MPRIP: variants seen among roughly 807,000 people sequenced by gnomAD.
The protein encoded by MPRIP is myosin phosphatase Rho-interacting protein.
A neutral mutation model predicts 234.9 loss-of-function variants in MPRIP; 59 were observed. That is an observed-to-expected ratio of 0.25 (90% CI 0.20 to 0.31). The LOEUF (loss-of-function observed/expected upper bound fraction) is 0.31, where lower values mean the gene tolerates loss of function less well. MPRIP is among the 10% of genes least tolerant of loss of function. The probability of loss-of-function intolerance (pLI) is 1.00; values close to 1 mark genes in which losing one functional copy is unlikely to be tolerated. For missense variants in MPRIP, 2,436 were observed against 3,071.0 expected (o/e 0.79, Z 4.89); for synonymous variants, 1,144 against 1,263.9 (o/e 0.91, Z 2.01).
intron 19 of MPRIP, among the ~76,000 whole-genome samples, chr17:17,174,797 T>TAAA (rs529734070): frequency 1.5e-5 from 2 of 132,154 alleles, no homozygotes; most frequent in African/African-American, 2.7e-5. Flanking sequence ...AGACTCCGTC[T>TAAA]AAAAAAAAAA....
chr17:17,149,147 G>A (rs2045541364), intron 11 of MPRIP, among the ~76,000 whole-genome samples: 1 of 152,134 alleles, frequency 6.6e-6, no homozygotes, highest in African/African-American at 2.4e-5. Context: ...ACCTTTAAGA[G>A]CCTACTGCTT....
chr17:17,063,445 G>A (rs2088926394), intron 1 of MPRIP, among the ~76,000 whole-genome samples: 1 of 152,186 alleles, frequency 6.6e-6, no homozygotes, highest in South Asian at 2.1e-4. Context: ...GTCTGTGTAT[G>A]AGACAGTGAA....
intron 3 of MPRIP, among the ~76,000 whole-genome samples, chr17:17,085,131 A>G (rs902446234): frequency 6.6e-6 from 1 of 152,132 alleles, no homozygotes; most frequent in African/African-American, 2.4e-5. Context: ...TGGTGCGTGG[A>G]GCCCAAGTAC....
chr17:17,171,796 C>G lies in MPRIP; in HGVS notation c.6403C>G (p.Arg2135Gly). ...KIEDLQRQHQRELEKLREEKD... is the reference protein window; with the variant it reads ...KIEDLQRQHQGELEKLREEKD... ...TGAAGATCTCCAGAGGCAGCACCAG[C>G]GGGAGCTAGAGAAACTTCGAGAAGA... Residue 2135 changes from arginine to glycine, a missense_variant, in exon 17 of 24, where the codon CGG becomes GGG. Physicochemically the swap from Arg to Gly is moderately radical, Grantham distance 125. Coordinates refer to ENST00000651222, the MANE Select transcript of MPRIP (RefSeq NM_001364716.4). 1 of 1,613,646 alleles carries G rather than the reference C, an allele frequency of 6.2e-7. No homozygotes were observed. The highest frequency in any genetic ancestry group is 8.5e-7 in the Non-Finnish European group (1 of 1,180,020).
intron 19 of MPRIP, 61 bp from the exon 20 acceptor site, chr17:17,175,232 G>A (rs541546025): frequency 3.7e-6 from 6 of 1,610,658 alleles, no homozygotes; most frequent in Non-Finnish European, 5.1e-6. Flanking sequence ...TTCCCGGGTT[G>A]TGTCATGCGA....
chr17:17,192,108 T>G lies in MPRIP; in HGVS notation c.*7214T>G, dbSNP rs1311974680. 1 of 152,184 alleles carries G rather than the reference T, an allele frequency of 6.6e-6. No homozygotes were observed. The highest frequency in any genetic ancestry group is 1.9e-4 in the East Asian group (1 of 5,202). The allele number at this position is 152,184 out of a possible 1,614,324, so 9.4% of individuals were successfully genotyped here. On this transcript the variant is annotated 3_prime_UTR_variant, in exon 24 of 24. Coordinates refer to ENST00000651222, the MANE Select transcript of MPRIP (RefSeq NM_001364716.4). ...CTGTGCCAAGCTGGGGCGCTATATG[T>G]GAACGGAGTGGAAATGCTTCAGTCA... is the stretch of plus-strand genomic sequence containing the variant.
chr17:17,158,415 A>C lies in MPRIP; in HGVS notation c.1830-17A>C, dbSNP rs1383333387. On this transcript the variant is annotated splice_polypyrimidine_tract_variant and intron_variant, in intron 13 of 23. Coordinates refer to ENST00000651222, the MANE Select transcript of MPRIP (RefSeq NM_001364716.4). ...GAGCCGCCCCTGACAGGCTATGTCC[A>C]TCCTCCTGCCCCACAGCTCGTTGCC... 1 of 1,534,906 alleles carries C rather than the reference A, an allele frequency of 6.5e-7. No homozygotes were observed. The highest frequency in any genetic ancestry group is 1.4e-5 in the African/African-American group (1 of 72,384).
At chr17:17,126,675 G>A (rs2090495848) in intron 3 of MPRIP, 27 bp from the exon 4 acceptor site, 2 of 1,598,242 alleles carry the variant, frequency 1.3e-6, no homozygotes, top group East Asian at 4.5e-5. Flanking sequence ...GCTGGCCTCT[G>A]GGTGACTCTC....
Position 17,185,337 on chromosome 17 carries a change from C to G in MPRIP, c.*443C>G. The G allele has an allele frequency of 2.7e-6, 1 of 367,336 alleles. No homozygotes were observed. The highest frequency in any genetic ancestry group is 3.5e-5 in the Admixed American group (1 of 28,764). 22.8% of individuals were successfully genotyped at this position (367,336 alleles called of 1,614,324 possible). On this transcript the variant is annotated 3_prime_UTR_variant, in exon 24 of 24. Coordinates refer to ENST00000651222, the MANE Select transcript of MPRIP (RefSeq NM_001364716.4). Reference sequence around the variant, plus strand: ...AGAAAAAGCTATGCGGACACTCCAGCTTGGCCTGGGTCACAGCACTGACTC... The same window carrying G: ...AGAAAAAGCTATGCGGACACTCCAGGTTGGCCTGGGTCACAGCACTGACTC...
At chr17:17,099,700 C>T (rs1280125895) in intron 3 of MPRIP, among the ~76,000 whole-genome samples, 4 of 152,084 alleles carry the variant, frequency 2.6e-5, no homozygotes, top group Admixed American at 2.6e-4. Flanking sequence ...GCAGTCTAGC[C>T]TGGGAGACAG....
chr17:17,110,991 A>T (rs925739189), intron 3 of MPRIP, among the ~76,000 whole-genome samples: 2 of 152,194 alleles, frequency 1.3e-5, no homozygotes, highest in Non-Finnish European at 2.9e-5. Context: ...ATAACAGGTC[A>T]GTATTGGTTT....
In MPRIP at chr17:17,042,773, G is replaced by C. The variant is rs1425846607; in HGVS notation, c.-76G>C. 1 of 1,003,044 alleles carries C rather than the reference G, an allele frequency of 1.0e-6. No individual in the cohort carries two copies. The highest frequency in any genetic ancestry group is 1.2e-6 in the Non-Finnish European group (1 of 844,028). The allele number at this position is 1,003,044 out of a possible 1,614,324, so 62.1% of individuals were successfully genotyped here. On this transcript the variant is annotated 5_prime_UTR_variant, in exon 1 of 24. Transcript: ENST00000651222. Reference sequence around the variant, plus strand: ...GAGGGATGCGGCGCGGCCGCGCTGAGCCCCTAGCCCGCCGGGAGCGCCAGG... The same window carrying C: ...GAGGGATGCGGCGCGGCCGCGCTGACCCCCTAGCCCGCCGGGAGCGCCAGG...
chr17:17,075,044 A>G (rs1436265043), intron 1 of MPRIP, among the ~76,000 whole-genome samples: 4 of 152,100 alleles, frequency 2.6e-5, no homozygotes, highest in African/African-American at 9.7e-5. Context: ...TCTGCCTTTA[A>G]CTTTCTGAGG....
At chr17:17,169,821 G>A (rs2046091202) in intron 16 of MPRIP, among the ~76,000 whole-genome samples, 2 of 152,348 alleles carry the variant, frequency 1.3e-5, no homozygotes, top group Admixed American at 6.5e-5. Context: ...ACCACACCAC[G>A]ATTGCAGTCA....
intron 13 of MPRIP, among the ~76,000 whole-genome samples, chr17:17,157,889 C>T (rs1210940950): frequency 2.0e-5 from 3 of 152,134 alleles, no homozygotes; most frequent in Non-Finnish European, 2.9e-5. Flanking sequence ...AAGGTAAGCC[C>T]TTCTAGAAAG....
intron 3 of MPRIP, among the ~76,000 whole-genome samples, chr17:17,089,065 T>A (rs1200663449): frequency 1.3e-5 from 2 of 152,184 alleles, no homozygotes; most frequent in Non-Finnish European, 2.9e-5. Flanking sequence ...GCCCTCAGTG[T>A]GTCAGAATCG....
At chr17:17,174,205 C>A in intron 19 of MPRIP, 130 bp downstream of exon 19, 1 of 1,174,760 alleles carries the variant, frequency 8.5e-7, no homozygotes, top group Non-Finnish European at 1.2e-6. Flanking sequence ...GGTCCCTGAA[C>A]CACAGAGTGG....
rs2045789010 is a variant in MPRIP, at chr17:17,158,672, G to C, written c.2070G>C (p.Leu690=). Residue 690 remains leucine (L), a synonymous_variant, in exon 14 of 24, where the codon CTG becomes CTC. Transcript: ENST00000651222. ...GVGPADTHEP[L]RPEAEPGELE... The stretch of plus-strand genomic sequence containing the variant: ...GGCCTGCTGACACCCACGAGCCCCT[G>C]CGCCCTGAGGCGGAGCCTGGGGAGC... 1 of 1,606,844 alleles carries C rather than the reference G, an allele frequency of 6.2e-7. No homozygotes were observed. The highest frequency in any genetic ancestry group is 8.5e-7 in the Non-Finnish European group (1 of 1,178,106).
chr17:17,103,875 C>T (rs184790896), intron 3 of MPRIP, among the ~76,000 whole-genome samples: 11 of 152,266 alleles, frequency 7.2e-5, no homozygotes, highest in African/African-American at 2.6e-4. Context: ...ACCAAACCTT[C>T]GAGTAAAGCC....
Sources: gnomAD v4.1 joint callset for allele counts (sites outside exome capture counted in the v4.1 genomes callset) on GRCh38, gnomAD v4.1.1 for gene constraint, MANE v1.5 for transcripts, NCBI Gene and HGNC (gene_info 2026-07-23, HGNC 2026-07-21) for gene names.